Variants in KANSL2 observed in about 807,000 individuals in gnomAD.
KANSL2 encodes KAT8 regulatory NSL complex subunit 2, also known as NSL complex protein NSL2.
In KANSL2, 34 loss-of-function variants were observed where a neutral mutation model predicts 55.6. The observed-to-expected ratio is 0.61, with a 90% CI of 0.46 to 0.81. The LOEUF is 0.81. KANSL2 is among the 40% of genes least tolerant of loss of function. The pLI, the probability that KANSL2 is intolerant of heterozygous loss-of-function variation, is 0.00. For synonymous variants in KANSL2, 209 were observed against 214.3 expected, an observed-to-expected ratio of 0.98 and a Z score of 0.22; for missense variants, 502 against 609.9, an observed-to-expected ratio of 0.82 and a Z score of 1.86.
At chr12:48,661,642 T>C (rs539820138) in intron 7 of KANSL2, among the ~76,000 whole-genome samples, 9 of 152,324 alleles carry the variant, frequency 5.9e-5, no homozygotes, top group African/African-American at 2.2e-4. Context: ...ATAAAAAAAC[T>C]AACATACATT....
At position 48,682,215 on chromosome 12, in the gene KANSL2, C is replaced by G. The variant is rs1357032040; in HGVS notation, c.-38G>C. On this transcript the variant is annotated 5_prime_UTR_variant, in exon 1 of 10. Coordinates refer to ENST00000420613, the MANE Select transcript of KANSL2 (RefSeq NM_017822.4). ...AGGAGCTGCGCTGCGCCGCACTCTG[C>G]CGCGCCGCTCGCCCTTCTCTAGTGG... 3.1e-6 allele frequency: 2 copies of G among 648,646 alleles called. No homozygotes were observed. The highest frequency in any genetic ancestry group is 5.6e-6 in the Non-Finnish European group (2 of 358,376). 40.2% of individuals were successfully genotyped at this position (648,646 alleles called of 1,614,324 possible). A position where few individuals can be genotyped will look rare whatever the true frequency, so the allele number is the denominator to read the frequency against.
chr12:48,667,785 T>C lies in KANSL2; in HGVS notation c.881A>G (p.His294Arg), dbSNP rs1433776418. 3 of 1,612,650 alleles carry C rather than the reference T, an allele frequency of 1.9e-6. No individual in the cohort carries two copies. The highest frequency in any genetic ancestry group is 2.5e-6 in the Non-Finnish European group (3 of 1,178,758). Reference protein sequence around the residue: ...LATDGAAQQAHTTRSSQRCLA... With the variant: ...LATDGAAQQARTTRSSQRCLA... ...GCACCTCTGACTGGAACGAGTGGTA[T>C]GGGCCTGAAATGGAAAAAGACAGAT... Residue 294 changes from histidine to arginine, a missense_variant, in exon 7 of 10, where the codon CAT becomes CGT. By Grantham distance (29) the His-to-Arg change is conservative. Transcript: ENST00000420613.
intron 6 of KANSL2, among the ~76,000 whole-genome samples, chr12:48,668,543 T>C (rs1939644377): frequency 6.6e-6 from 1 of 151,938 alleles, no homozygotes; most frequent in Admixed American, 6.6e-5. Context: ...CTACTAAAAA[T>C]ACAAAATCAG....
At position 48,656,243 on chromosome 12, in the gene KANSL2, C is replaced by A. The variant is rs553785373; in HGVS notation, c.1228-1183G>T. Among the ~76,000 whole-genome samples, 36 of 151,636 alleles carry A rather than the reference C, an allele frequency of 2.4e-4. No homozygotes were observed. The South Asian group carries it at 7.1e-3, about 30-fold the overall frequency. Reference sequence around the variant, plus strand: ...AATATTATTTTGGTTAAGTCCCTATCCCGACAGAGCAACAACCTGGTTTTT... The same window carrying A: ...AATATTATTTTGGTTAAGTCCCTATACCGACAGAGCAACAACCTGGTTTTT... On this transcript the variant is annotated intron_variant, in intron 8 of 9. Coordinates refer to ENST00000420613, the MANE Select transcript of KANSL2 (RefSeq NM_017822.4).
At chr12:48,662,074 T>C (rs1308537439) in intron 7 of KANSL2, among the ~76,000 whole-genome samples, 1 of 152,250 alleles carries the variant, frequency 6.6e-6, no homozygotes, top group Non-Finnish European at 1.5e-5. Flanking sequence ...AAGCCCACTC[T>C]TAATATTTAA....
chr12:48,662,799 T>A, intron 7 of KANSL2: 1 of 395,364 alleles, frequency 2.5e-6, no homozygotes, highest in Non-Finnish European at 4.0e-6. Context: ...ATAAGCTATT[T>A]GACTACAGTA....
At chr12:48,655,191 AT>A in intron 8 of KANSL2, 131 bp from the exon 9 acceptor site, 2 of 828,980 alleles carry the variant, frequency 2.4e-6, no homozygotes, top group Non-Finnish European at 3.7e-6. Flanking sequence ...TAAAAAAAAA[AT>A]TTTACAAGAG....
chr12:48,666,086 T>G (rs1345343030), intron 7 of KANSL2, among the ~76,000 whole-genome samples: 1 of 152,028 alleles, frequency 6.6e-6, no homozygotes, highest in Non-Finnish European at 1.5e-5. Context: ...TGGTAGCACA[T>G]GCCTGTAGTC....
At position 48,679,124 on chromosome 12, in the gene KANSL2, G is replaced by C; in HGVS notation, c.457C>G (p.Gln153Glu). 1 of 1,613,660 alleles carries C rather than the reference G, an allele frequency of 6.2e-7. No individual in the cohort carries two copies. Among genetic ancestry groups the C allele is most frequent in the Non-Finnish European group, 8.5e-7 (1 of 1,179,742 alleles). ...LDEDSWSDGEQEPITVDQTWR... is the reference protein window; with the variant it reads ...LDEDSWSDGEEEPITVDQTWR... ...GTCTGATCCACAGTAATGGGTTCCT[G>C]CTCCCCATCACTCCAGCTGTCTTCA... The change falls in exon 4 of 10, where the codon CAG becomes GAG. Residue 153 changes from glutamine to glutamate, a missense_variant. Physicochemically the swap from Gln to Glu is conservative, Grantham distance 29. Coordinates refer to ENST00000420613, the MANE Select transcript of KANSL2 (RefSeq NM_017822.4).
intron 8 of KANSL2, chr12:48,656,858 CCTT>C (rs1334872027): frequency 2.4e-6 from 1 of 421,584 alleles, no homozygotes. Context: ...GCTAAATTCT[CCTT>C]CTTCCTAAGA....
In KANSL2 at chr12:48,678,839, A is replaced by G. The variant is rs899975538; in HGVS notation, c.545+197T>C. ...TTGGTGTTCAAACTTTTTTTAAATT[A>G]CAAGGCTTCTAAAAAAGAATCATCC... On this transcript the variant is annotated intron_variant, in intron 4 of 9. Transcript: ENST00000420613. 5.0e-4 allele frequency among the ~76,000 whole-genome samples: 76 copies of G among 152,284 alleles called. 3 individuals carry two copies. The highest frequency in any genetic ancestry group is 5.0e-3 in the Admixed American group (76 of 15,286).
At chr12:48,675,248 AG>A (rs199814565) in intron 4 of KANSL2, among the ~76,000 whole-genome samples, 112 of 151,484 alleles carry the variant, frequency 7.4e-4, no homozygotes, top group East Asian at 7.8e-4. Context: ...TACAAAAAAA[AG>A]AAAGAAATTA....
At chr12:48,670,994 T>TG (rs1205197766) in intron 5 of KANSL2, among the ~76,000 whole-genome samples, 1 of 152,168 alleles carries the variant, frequency 6.6e-6, no homozygotes, top group Non-Finnish European at 1.5e-5. Context: ...CCAGGCGCAG[T>TG]GGCTCATGCC....
intron 7 of KANSL2, among the ~76,000 whole-genome samples, chr12:48,665,101 T>C (rs1939569785): frequency 6.6e-6 from 1 of 152,116 alleles, no homozygotes; most frequent in African/African-American, 2.4e-5. Flanking sequence ...TAAGCATTTA[T>C]CTTTAGAGTT....
chr12:48,674,836 GA>G (rs753633473), intron 4 of KANSL2, among the ~76,000 whole-genome samples: 87 of 152,116 alleles, frequency 5.7e-4, no homozygotes, highest in Non-Finnish European at 9.7e-4. Flanking sequence ...TGAGGCAGGA[GA>G]ATCACTTGAA....
Position 48,654,368 on chromosome 12 carries a change from G to C in KANSL2, c.1348-193C>G, listed in dbSNP as rs747579957. ...CCTATTCCTGAGCCTCTTCCAATGG[G>C]ATGGTGAGCTGTAGGTTGTTTCTTC... On this transcript the variant is annotated intron_variant, in intron 9 of 9. Coordinates refer to ENST00000420613, the MANE Select transcript of KANSL2 (RefSeq NM_017822.4). 6.3e-6 allele frequency: 5 copies of C among 792,390 alleles called. No individual in the cohort carries two copies. The African/African-American group carries it at 8.4e-5, about 13-fold the overall frequency. The allele number at this position is 792,390 out of a possible 1,614,324, so 49.1% of individuals were successfully genotyped here.
intron 7 of KANSL2, among the ~76,000 whole-genome samples, chr12:48,667,011 T>A (rs779163211): frequency 5.9e-5 from 9 of 152,100 alleles, no homozygotes; most frequent in Non-Finnish European, 8.8e-5. Context: ...TGAAACCCCA[T>A]CTCTACTAAT....
intron 3 of KANSL2, chr12:48,679,372 AG>A (rs1220232035): frequency 3.2e-6 from 2 of 626,672 alleles, no homozygotes; most frequent in Admixed American, 2.9e-5. Context: ...CCTCTCAAAC[AG>A]AAAAATCAAC....
intron 1 of KANSL2, 56 bp downstream of exon 1, chr12:48,682,129 AAG>A (rs1939941208): frequency 2.8e-6 from 2 of 702,854 alleles, no homozygotes; most frequent in Non-Finnish European, 5.2e-6. Flanking sequence ...AGCTGACAAA[AAG>A]AGCGAAATAG....
Sources: allele counts gnomAD v4.1 joint callset (sites outside exome capture counted in the v4.1 genomes callset), GRCh38; gene constraint gnomAD v4.1.1; transcripts MANE v1.5; gene names NCBI Gene and HGNC (gene_info 2026-07-23, HGNC 2026-07-21).